INF2: variants seen among roughly 807,000 people sequenced by gnomAD.
INF2 encodes inverted formin-2.
Under a neutral mutation model 123.5 loss-of-function variants are expected in INF2, and 43 were observed. That is an observed-to-expected ratio of 0.35 (90% CI 0.27 to 0.45). The LOEUF is 0.45. Among genes scored for constraint, INF2 ranks in the 20% least tolerant of loss-of-function variants. INF2 has a pLI of 1.00. For synonymous variants in INF2, 851 were observed against 745.0 expected, an observed-to-expected ratio of 1.14 and a Z score of -2.32; for missense variants, 1,453 against 1,682.7, an observed-to-expected ratio of 0.86 and a Z score of 2.39.
At chr14:104,712,696 C>T (rs1318227948) in intron 17 of INF2, 132 bp from the exon 18 acceptor site, 5 of 1,477,464 alleles carry the variant, frequency 3.4e-6, no homozygotes, top group African/African-American at 1.4e-5. Flanking sequence ...GGCACAGGCC[C>T]CTGCTCCTTG....
Position 104,714,810 on chromosome 14 carries a change from G to T in INF2, c.3648G>T (p.Lys1216Asn), listed in dbSNP as rs139196357. ...TLPRARGRAS[K>N]GTGKRRKKRP... ...CCAGGGCCCGGGGCCGGGCCTCAAA[G>T]GGGACCGGGAAGCGAAGGAAGAAGC... The change falls in exon 21 of 23, where the codon AAG becomes AAT. Residue 1216 changes from lysine to asparagine, a missense_variant. By Grantham distance (94) the Lys-to-Asn change is moderately conservative (BLOSUM62 0). Around this residue, in one of 8 missense-constraint regions of INF2, gnomAD observed 344 missense variants for 333.1 expected, o/e 1.03. Coordinates refer to ENST00000392634, the MANE Select transcript of INF2 (RefSeq NM_022489.4). 71 of 1,596,324 alleles carry T rather than the reference G, an allele frequency of 4.4e-5. No individual in the cohort carries two copies. In the African/African-American group the frequency reaches 9.3e-4, roughly 21 times the overall value.
Position 104,714,846 on chromosome 14 carries a change from G to C in INF2, c.3684G>C (p.Arg1228Ser). The C allele has an allele frequency of 6.3e-7, 1 of 1,575,142 alleles. No individual in the cohort carries two copies. The highest frequency in any genetic ancestry group is 1.2e-5 in the South Asian group (1 of 85,198). Residue 1228 changes from arginine to serine, a missense_variant, in exon 21 of 23, where the codon AGG becomes AGC. Transcript: ENST00000392634. ...TGKRRKKRPS[R>S]SQEEVPPDSD... is the part of the protein sequence containing the mutation. ...AGCGAAGGAAGAAGCGTCCCTCCAG[G>C]AGCCAGGAAGGTAACTCAGGGAGGG...
At position 104,707,656 on chromosome 14, in the gene INF2, G is replaced by GC; in HGVS notation, c.1391dup (p.Gly465ArgfsTer21). On this transcript the variant is annotated frameshift_variant, in exon 8 of 23. Coordinates refer to ENST00000392634, the MANE Select transcript of INF2 (RefSeq NM_022489.4). LOFTEE classifies it high-confidence loss of function. ...CAACAGCACCCCCGCCCCCACCCCT[G>GC]CCAGGCCTGGGGGCCATGGCCCCCC... 1.2e-6 allele frequency: 1 copy of GC among 816,724 alleles called. No homozygotes were observed. The highest frequency in any genetic ancestry group is 1.8e-6 in the Non-Finnish European group (1 of 564,106). The allele number at this position is 816,724 out of a possible 1,614,324, so 50.6% of individuals were successfully genotyped here. A position where few individuals can be genotyped will look rare whatever the true frequency, so the allele number is the denominator to read the frequency against.
intron 2 of INF2, among the ~76,000 whole-genome samples, 159 bp from the exon 3 acceptor site, chr14:104,702,946 C>G (rs1204056482): frequency 6.6e-6 from 1 of 152,204 alleles, no homozygotes; most frequent in African/African-American, 2.4e-5. Context: ...GAGTGGGGCA[C>G]CTCGTTGGGT....
Position 104,699,659 on chromosome 14 carries a change from C to T in INF2, c.-9-1698C>T, listed in dbSNP as rs527484752. The T allele has an allele frequency of 1.1e-6, 1 of 911,348 alleles. No homozygotes were observed. Among genetic ancestry groups the T allele is most frequent in the South Asian group, 5.0e-5 (1 of 19,910 alleles). 56.5% of individuals were successfully genotyped at this position (911,348 alleles called of 1,614,324 possible). On this transcript the variant is annotated intron_variant, in intron 1 of 22. Transcript: ENST00000392634. The surrounding 1 kb of genome is among the most constrained non-coding windows in gnomAD (Gnocchi z 4.7). The stretch of plus-strand genomic sequence containing the variant: ...GGCCTGGGAGGGTGGCTTAAAACCA[C>T]AGTGCACCGGGGGCTCCGGGCTCTC...
intron 17 of INF2, 65 bp from the exon 18 acceptor site, chr14:104,712,761 CAG>C (rs1890112558): frequency 6.6e-7 from 1 of 1,522,288 alleles, no homozygotes; most frequent in South Asian, 1.3e-5. Flanking sequence ...TCCCGCAACT[CAG>C]GGCCTCACCC....
rs1296307976 is a variant in INF2, at chr14:104,714,573, G to T, written c.3411G>T (p.Leu1137Phe). ...SRQDAKDPTS[L>F]LGVLQAEADS... is the part of the protein sequence containing the mutation. ...AAGATGCCAAGGATCCCACGTCCTT[G>T]CTGGGCGTCCTCCAGGCCGAGGCCG... Residue 1137 changes from leucine (L) to phenylalanine (F), a missense_variant, in exon 21 of 23, where the codon TTG becomes TTT. Physicochemically the swap from Leu to Phe is conservative, Grantham distance 22 (BLOSUM62 0). Around this residue, in one of 8 missense-constraint regions of INF2, gnomAD observed 344 missense variants for 333.1 expected, o/e 1.03. Coordinates refer to ENST00000392634, the MANE Select transcript of INF2 (RefSeq NM_022489.4). 6.2e-7 allele frequency: 1 copy of T among 1,612,686 alleles called. No homozygotes were observed. Among genetic ancestry groups the T allele is most frequent in the South Asian group, 1.1e-5 (1 of 91,088 alleles).
In INF2 at chr14:104,707,648, C is replaced by T. The variant is rs1212700148; in HGVS notation, c.1381C>T (p.Pro461Ser). 1.9e-5 allele frequency: 19 copies of T among 974,886 alleles called. No homozygotes were observed. The highest frequency in any genetic ancestry group is 2.9e-5 in the Non-Finnish European group (19 of 657,298). The allele number at this position is 974,886 out of a possible 1,614,324, so 60.4% of individuals were successfully genotyped here. ...AKALPTAPPP[P>S]PLPGLGAMAP... The stretch of plus-strand genomic sequence containing the variant: ...GGCCCTCCCAACAGCACCCCCGCCC[C>T]CACCCCTGCCAGGCCTGGGGGCCAT... The change falls in exon 8 of 23, where the codon CCA becomes TCA. Residue 461 changes from proline to serine, a missense_variant. Physicochemically the swap from Pro to Ser is moderately conservative, Grantham distance 74. Transcript: ENST00000392634.
chr14:104,707,150 T>G (rs1376406336), intron 7 of INF2, 99 bp downstream of exon 7: 1 of 1,508,082 alleles, frequency 6.6e-7, no homozygotes, highest in Non-Finnish European at 8.9e-7. Context: ...CAACCCATCC[T>G]CTGCCCAGGG....
At position 104,699,686 on chromosome 14, in the gene INF2, G is replaced by A. The variant is rs969325263; in HGVS notation, c.-9-1671G>A. ...GTGCACCGGGGGCTCCGGGCTCTCC[G>A]TTCTACAGTGCCCAGACCAGGACCC... On this transcript the variant is annotated intron_variant, in intron 1 of 22. Coordinates refer to ENST00000392634, the MANE Select transcript of INF2 (RefSeq NM_022489.4). This position sits in a 1 kb window ranked among gnomAD's most constrained non-coding sequence, Gnocchi z 4.7. The A allele has an allele frequency of 2.7e-5, 19 of 705,900 alleles. No homozygotes were observed. The highest frequency in any genetic ancestry group is 1.3e-4 in the South Asian group (2 of 15,882). 43.7% of individuals were successfully genotyped at this position (705,900 alleles called of 1,614,324 possible). A position where few individuals can be genotyped will look rare whatever the true frequency, so the allele number is the denominator to read the frequency against.
rs1890053423 is a variant in INF2, at chr14:104,711,661, G to C, written c.2451G>C (p.Gln817His). ...EAEKSHPDLL[Q>H]LPRDLEQPSQ... ...AAAAGAGCCACCCCGACCTCCTGCA[G>C]CTGCCCCGGGACCTGGAACAGCCCT... Residue 817 changes from glutamine (Q) to histidine (H), a missense_variant, in exon 16 of 23, where the codon CAG becomes CAC. This residue lies in a region of INF2 where 212 missense variants were observed against 266.2 expected (regional missense o/e 0.80). Transcript: ENST00000392634. The C allele has an allele frequency of 4.3e-6, 7 of 1,612,502 alleles. No individual in the cohort carries two copies. Among genetic ancestry groups the C allele is most frequent in the African/African-American group, 1.3e-5 (1 of 75,014 alleles).
chr14:104,702,023 C>T (rs779107736), intron 2 of INF2, among the ~76,000 whole-genome samples: 2 of 152,176 alleles, frequency 1.3e-5, no homozygotes, highest in Non-Finnish European at 2.9e-5. Flanking sequence ...GTGGCTCTGC[C>T]CCACCCTTCC....
chr14:104,684,213 G>A lies in INF2; in HGVS notation c.-104+2631G>A. The A allele has an allele frequency of 4.5e-6, 2 of 447,520 alleles. No homozygotes were observed. The highest frequency in any genetic ancestry group is 3.1e-5 in the South Asian group (2 of 63,714). The allele number at this position is 447,520 out of a possible 1,614,324, so 27.7% of individuals were successfully genotyped here. On this transcript the variant is annotated intron_variant, in intron 1 of 2. Transcript: ENST00000674723. This position sits in a 1 kb window ranked among gnomAD's most constrained non-coding sequence, Gnocchi z 5.0. ...TCTGGACTCCCACCAGACAACTGAG[G>A]CAACCGAGAAGGAGGCTGGGGAGGG...
rs370726873 is a variant in INF2 at position 104,709,261 on chromosome 14, C to T, written c.1950-20C>T. The T allele has an allele frequency of 1.0e-5, 16 of 1,597,556 alleles. No individual in the cohort carries two copies. Among genetic ancestry groups the T allele is most frequent in the African/African-American group, 5.4e-5 (4 of 74,586 alleles). ...GACTCATGATTCACTCACCCCTGCC[C>T]GGTCCTCTCCCTGCTCCAGCTCCAA... On this transcript the variant is annotated intron_variant, in intron 10 of 22. Coordinates refer to ENST00000392634, the MANE Select transcript of INF2 (RefSeq NM_022489.4).
chr14:104,703,036 G>T, intron 2 of INF2, 69 bp from the exon 3 acceptor site: 1 of 1,321,468 alleles, frequency 7.6e-7, no homozygotes. Flanking sequence ...CCCCAGCCCT[G>T]AGCCCAGCTG....
intron 1 of INF2, chr14:104,683,986 C>A (rs984188290): frequency 1.5e-5 from 7 of 453,718 alleles, no homozygotes; most frequent in East Asian, 6.9e-5. Flanking sequence ...CTCCAGGGAG[C>A]CCATCTGGTG....
upstream of INF2, among the ~76,000 whole-genome samples, chr14:104,687,507 C>T (rs1888695219): frequency 6.6e-6 from 1 of 152,054 alleles, no homozygotes; most frequent in Non-Finnish European, 1.5e-5. The surrounding 1 kb of genome is among the most constrained non-coding windows in gnomAD (Gnocchi z 5.6). Flanking sequence ...GACACACACT[C>T]TTAATCAGGG....
intron 1 of INF2, among the ~76,000 whole-genome samples, chr14:104,682,455 G>T (rs899556613): frequency 4.6e-5 from 7 of 152,224 alleles, no homozygotes; most frequent in African/African-American, 1.7e-4. Context: ...GCAGGCAGCT[G>T]CCTGCAGTGG....
At position 104,719,190 on chromosome 14, in the gene INF2, C is replaced by T. The variant is rs1162532006; in HGVS notation, c.*397C>T. 1 of 230,372 alleles carries T rather than the reference C, an allele frequency of 4.3e-6. No homozygotes were observed. 14.3% of individuals were successfully genotyped at this position (230,372 alleles called of 1,614,324 possible). A position where few individuals can be genotyped will look rare whatever the true frequency, so the allele number is the denominator to read the frequency against. On this transcript the variant is annotated 3_prime_UTR_variant, in exon 23 of 23. Coordinates refer to ENST00000392634, the MANE Select transcript of INF2 (RefSeq NM_022489.4). ...GGTTTAATCAAAATGCAATGCTTTG[C>T]AAGTCTTTACTGCTTGGAGGTGGCT...
Sources: gnomAD v4.1 joint callset for allele counts (sites outside exome capture counted in the v4.1 genomes callset) on GRCh38, gnomAD v4.1.1 for gene constraint, gnomAD v4.1.1 regional missense constraint, Gnocchi (gnomAD v3.1) non-coding constraint, MANE v1.5 for transcripts, NCBI Gene and HGNC (gene_info 2026-07-23, HGNC 2026-07-21) for gene names.